SEMA3C: variants seen among roughly 807,000 people sequenced by gnomAD.
SEMA3C encodes the protein semaphorin 3C, also known as semaphorin-3C.
A neutral mutation model predicts 89.4 loss-of-function variants in SEMA3C; 47 were observed. The observed-to-expected ratio is 0.53, with a 90% CI of 0.42 to 0.67. The LOEUF (loss-of-function observed/expected upper bound fraction) is 0.67. SEMA3C is among the 30% of genes least tolerant of loss of function. The probability of loss-of-function intolerance (pLI) is 0.00; values close to 1 mark genes in which losing one functional copy is unlikely to be tolerated. For missense variants in SEMA3C, 839 were observed against 929.1 expected (o/e 0.90, Z 1.26); for synonymous variants, 310 against 320.2 (o/e 0.97, Z 0.34).
At chr7:80,838,872 G>A (rs1790199153) in intron 2 of SEMA3C, among the ~76,000 whole-genome samples, 1 of 152,150 alleles carries the variant, frequency 6.6e-6, no homozygotes, top group Admixed American at 6.6e-5. Context: ...CCCTTGACAC[G>A]TGATGATTAC....
At chr7:80,844,200 C>G (rs947065664) in intron 2 of SEMA3C, among the ~76,000 whole-genome samples, 5 of 152,016 alleles carry the variant, frequency 3.3e-5, no homozygotes, top group Non-Finnish European at 7.4e-5. Context: ...AATGCACATA[C>G]GAAATATGTA....
At chr7:80,803,790 T>G (rs907869004) in intron 8 of SEMA3C, among the ~76,000 whole-genome samples, 2 of 152,116 alleles carry the variant, frequency 1.3e-5, no homozygotes, top group African/African-American at 4.8e-5. Flanking sequence ...TAAATGAATA[T>G]GCAAAAATTT....
At chr7:80,881,209 ACTCT>A (rs959164508) in intron 2 of SEMA3C, among the ~76,000 whole-genome samples, 1 of 136,930 alleles carries the variant, frequency 7.3e-6, no homozygotes, top group African/African-American at 2.8e-5. Flanking sequence ...ACACACACAC[ACTCT>A]CTCTCATGTA....
intron 14 of SEMA3C, among the ~76,000 whole-genome samples, chr7:80,759,106 T>TA (rs1448222583): frequency 6.6e-6 from 1 of 152,154 alleles, no homozygotes; most frequent in East Asian, 1.9e-4. Context: ...TTCATCATCC[T>TA]AAAAACCTCA....
chr7:80,800,309 C>T (rs1789171134), intron 10 of SEMA3C, among the ~76,000 whole-genome samples: 1 of 152,064 alleles, frequency 6.6e-6, no homozygotes, highest in Non-Finnish European at 1.5e-5. Context: ...CAAAAAAATA[C>T]TGTACACAAT....
chr7:80,855,598 G>C (rs1482401561), intron 2 of SEMA3C, among the ~76,000 whole-genome samples: 1 of 152,072 alleles, frequency 6.6e-6, no homozygotes, highest in Non-Finnish European at 1.5e-5. Flanking sequence ...CTAATCTGAG[G>C]AAACTAGGGC....
chr7:80,878,353 G>A (rs1010265234), intron 2 of SEMA3C, among the ~76,000 whole-genome samples: 2 of 152,164 alleles, frequency 1.3e-5, no homozygotes, highest in East Asian at 3.9e-4. Flanking sequence ...ACTCCAGCCT[G>A]GGCAATAAGA....
intron 2 of SEMA3C, among the ~76,000 whole-genome samples, chr7:80,875,525 G>GA (rs1236919550): frequency 6.6e-6 from 1 of 152,138 alleles, no homozygotes; most frequent in Non-Finnish European, 1.5e-5. Context: ...AGCACAATCG[G>GA]AAAAAATTAA....
chr7:80,834,428 T>TCTA (rs937892334), intron 2 of SEMA3C, among the ~76,000 whole-genome samples: 2 of 152,116 alleles, frequency 1.3e-5, no homozygotes, highest in African/African-American at 4.8e-5. Context: ...TTCCCCAAAA[T>TCTA]CTAAGCCCTG....
chr7:80,900,562 G>T (rs1198351205), intron 2 of SEMA3C, among the ~76,000 whole-genome samples: 2 of 152,186 alleles, frequency 1.3e-5, no homozygotes, highest in African/African-American at 4.8e-5. Flanking sequence ...TGAGGCAACT[G>T]CCATGAGTTA....
intron 15 of SEMA3C, among the ~76,000 whole-genome samples, chr7:80,756,134 C>T (rs2117043470): frequency 6.6e-6 from 1 of 152,270 alleles, no homozygotes; most frequent in Admixed American, 6.5e-5. Flanking sequence ...TTATAGATAC[C>T]ATTCATGTAA....
chr7:80,840,532 AAAAAAAAAAAAGAGC>A, intron 2 of SEMA3C, among the ~76,000 whole-genome samples: 1 of 143,628 alleles, frequency 7.0e-6, no homozygotes, highest in South Asian at 2.2e-4. Context: ...AAAAAAAAAA[AAAAAAAAAAAAGAGC>A]GAGAGAGAGA....
rs766899872 is a variant in SEMA3C, at chr7:80,745,073, T to C, written c.2077A>G (p.Ile693Val). ...TCTGAGTGGCTGAATGCCCCCATGATGTCCTTCGGGTGGAAGGGTAAAGCC... is the reference window on the plus strand; with the variant it reads ...TCTGAGTGGCTGAATGCCCCCATGACGTCCTTCGGGTGGAAGGGTAAAGCC... ...VRALPFHPKD[I>V]MGAFSHSEMQ... is the part of the protein sequence containing the mutation. Residue 693 changes from isoleucine (I) to valine (V), a missense_variant, in exon 18 of 18, where the codon ATC (isoleucine) becomes GTC (valine). Physicochemically the swap from Ile to Val is conservative, Grantham distance 29. Coordinates refer to ENST00000265361, the MANE Select transcript of SEMA3C (RefSeq NM_006379.5). 6.2e-7 allele frequency: 1 copy of C among 1,614,004 alleles called. No homozygotes were observed. The highest frequency in any genetic ancestry group is 1.1e-5 in the South Asian group (1 of 91,088).
At chr7:80,919,840 C>G (rs111411762), upstream of SEMA3C, among the ~76,000 whole-genome samples, 9 of 151,952 alleles carry the variant, frequency 5.9e-5, 1 homozygote, top group South Asian at 1.9e-3. Flanking sequence ...CCCAAAGTGC[C>G]GAGAGCCACC....
At chr7:80,758,945 T>C (rs1562862127) in intron 14 of SEMA3C, among the ~76,000 whole-genome samples, 1 of 152,190 alleles carries the variant, frequency 6.6e-6, no homozygotes, top group African/African-American at 2.4e-5. Context: ...AAATGGTAAA[T>C]AGTAAGTACT....
intron 2 of SEMA3C, among the ~76,000 whole-genome samples, chr7:80,882,221 A>G (rs758046754): frequency 6.6e-6 from 1 of 151,852 alleles, no homozygotes; most frequent in Non-Finnish European, 1.5e-5. Flanking sequence ...GACCACTAAA[A>G]TGCCTCCACA....
chr7:80,878,412 G>T (rs1791250376), intron 2 of SEMA3C, among the ~76,000 whole-genome samples: 1 of 152,036 alleles, frequency 6.6e-6, no homozygotes, highest in Non-Finnish European at 1.5e-5. Flanking sequence ...ATTAAAAAAT[G>T]AATATAATTT....
intron 15 of SEMA3C, among the ~76,000 whole-genome samples, chr7:80,756,133 C>G (rs1429789305): frequency 1.3e-5 from 2 of 152,144 alleles, no homozygotes; most frequent in African/African-American, 2.4e-5. Context: ...CTTATAGATA[C>G]CATTCATGTA....
intron 2 of SEMA3C, among the ~76,000 whole-genome samples, chr7:80,830,825 C>T (rs1789992312): frequency 1.3e-5 from 2 of 152,070 alleles, no homozygotes; most frequent in South Asian, 4.2e-4. Context: ...AAACAGCTTC[C>T]TTCATGAGGA....
Sources: gnomAD v4.1 joint callset for allele counts (sites outside exome capture counted in the v4.1 genomes callset) on GRCh38, gnomAD v4.1.1 for gene constraint, MANE v1.5 for transcripts, NCBI Gene and HGNC (gene_info 2026-07-23, HGNC 2026-07-21) for gene names.